PDE10A: variants seen among roughly 807,000 people sequenced by gnomAD.
PDE10A encodes the protein cAMP and cAMP-inhibited cGMP 3',5'-cyclic phosphodiesterase 10A.
In PDE10A, 39 loss-of-function variants were observed where a neutral mutation model predicts 97.7. The ratio of observed to expected loss-of-function variants is 0.40; its 90% CI spans 0.31 to 0.52. The LOEUF is 0.52. Among genes scored for constraint, PDE10A ranks in the 20% least tolerant of loss-of-function variants. PDE10A has a pLI of 0.56. For missense variants in PDE10A, 731 were observed against 1,047.8 expected, an observed-to-expected ratio of 0.70 and a Z score of 4.17; for synonymous variants, 371 against 376.8, an observed-to-expected ratio of 0.98 and a Z score of 0.18.
chr6:165,555,068 C>T lies in PDE10A; in HGVS notation c.866-11500G>A, dbSNP rs150302902. 1.7e-3 allele frequency among the ~76,000 whole-genome samples: 256 copies of T among 151,934 alleles called. 1 individual carries two copies. The highest frequency in any genetic ancestry group is 3.1e-3 in the Non-Finnish European group (211 of 67,926). The stretch of plus-strand genomic sequence containing the variant: ...AGGAGGTAGGAATCATTAATGGGCA[C>T]CAAAAAAATGAACAAGTGAATAAGA... On this transcript the variant is annotated intron_variant, in intron 1 of 21. Coordinates refer to ENST00000539869, the MANE Select transcript of PDE10A (RefSeq NM_001385079.1).
At chr6:165,574,354 CT>C (rs990644459) in intron 1 of PDE10A, among the ~76,000 whole-genome samples, 4 of 152,060 alleles carry the variant, frequency 2.6e-5, no homozygotes, top group Admixed American at 2.0e-4. Flanking sequence ...AGGTTAACTG[CT>C]TTCAAATGTT....
In PDE10A at chr6:165,418,257, G is replaced by A. The variant is rs766741646; in HGVS notation, c.1796+378C>T. Among the ~76,000 whole-genome samples the A allele has an allele frequency of 1.3e-4, 20 of 152,158 alleles. No individual in the cohort carries two copies. The highest frequency in any genetic ancestry group is 2.5e-4 in the Non-Finnish European group (17 of 68,024). On this transcript the variant is annotated intron_variant, in intron 11 of 21. Transcript: ENST00000539869. The surrounding 1 kb of genome is among the most constrained non-coding windows in gnomAD (Gnocchi z 4.8). The stretch of plus-strand genomic sequence containing the variant: ...TGTCTGGACTGCGAGACAGGCCACC[G>A]GTTGGGAAGAAGTAGGGGCCGAATT...
intron 1 of PDE10A, among the ~76,000 whole-genome samples, chr6:165,702,615 G>A (rs1326044850): frequency 6.6e-6 from 1 of 152,194 alleles, no homozygotes; most frequent in African/African-American, 2.4e-5. Flanking sequence ...AGTGGCAGCG[G>A]GTGGCCCACC....
intron 18 of PDE10A, among the ~76,000 whole-genome samples, chr6:165,359,062 G>A (rs1028154635): frequency 1.3e-4 from 19 of 151,904 alleles, no homozygotes; most frequent in Admixed American, 1.1e-3. Flanking sequence ...CCTTTGTGCT[G>A]TTTTCATATT....
intron 2 of PDE10A, among the ~76,000 whole-genome samples, chr6:165,512,937 T>C (rs781121193): frequency 2.0e-5 from 3 of 152,034 alleles, no homozygotes; most frequent in Non-Finnish European, 4.4e-5. Context: ...GCATCCTTTA[T>C]TGGCCATTTA....
chr6:165,369,548 A>G (rs1469033645), intron 18 of PDE10A, among the ~76,000 whole-genome samples: 5 of 146,460 alleles, frequency 3.4e-5, no homozygotes, highest in South Asian at 2.2e-4. Context: ...AAAAGGAATG[A>G]GCAAAGCCTC....
In PDE10A at chr6:165,595,739, G is replaced by A. The variant is rs527997987; in HGVS notation, c.866-52171C>T. Among the ~76,000 whole-genome samples the A allele has an allele frequency of 3.3e-5, 5 of 152,326 alleles. No homozygotes were observed. In the South Asian group the frequency reaches 8.3e-4, roughly 25 times the overall value. ...AGATCAAAGCACCAGTAGACTCAAC[G>A]TCTAGTGAAGGCCCCTTCTTCATAG... On this transcript the variant is annotated intron_variant, in intron 1 of 21. Transcript: ENST00000539869.
At chr6:165,941,481 T>C (rs1455544442) in intron 1 of PDE10A, among the ~76,000 whole-genome samples, 3 of 152,144 alleles carry the variant, frequency 2.0e-5, no homozygotes, top group Non-Finnish European at 2.9e-5. Context: ...TGGATATTTG[T>C]CCCCACCCAA....
intron 1 of PDE10A, among the ~76,000 whole-genome samples, chr6:165,608,280 G>A (rs1787322255): frequency 1.1e-5 from 1 of 92,204 alleles, no homozygotes; most frequent in Non-Finnish European, 2.0e-5. Flanking sequence ...CCCACAACAG[G>A]CGCCAGTGTG....
chr6:165,793,457 C>G (rs1400206019), intron 1 of PDE10A, among the ~76,000 whole-genome samples: 2 of 152,036 alleles, frequency 1.3e-5, no homozygotes, highest in Admixed American at 6.6e-5. Flanking sequence ...CCTGCGAGTC[C>G]TCTCCCTGCT....
intron 13 of PDE10A, among the ~76,000 whole-genome samples, chr6:165,402,286 C>T (rs1786729870): frequency 6.6e-6 from 1 of 151,578 alleles, no homozygotes; most frequent in African/African-American, 2.4e-5. Context: ...AATTTTTAGT[C>T]ATTTATTTTT....
At chr6:165,485,084 A>T (rs893487509) in intron 2 of PDE10A, among the ~76,000 whole-genome samples, 3 of 152,192 alleles carry the variant, frequency 2.0e-5, no homozygotes, top group African/African-American at 7.2e-5. Flanking sequence ...CACATTCTTC[A>T]AGTCCACTGT....
intron 1 of PDE10A, among the ~76,000 whole-genome samples, chr6:165,922,519 C>T (rs1405988116): frequency 6.6e-6 from 1 of 152,184 alleles, no homozygotes; most frequent in Non-Finnish European, 1.5e-5. Context: ...TTGAGATATT[C>T]ATATGGAAAA....
chr6:165,674,767 C>CAGTT (rs1790748597), intron 1 of PDE10A, among the ~76,000 whole-genome samples: 1 of 152,166 alleles, frequency 6.6e-6, no homozygotes, highest in Non-Finnish European at 1.5e-5. Flanking sequence ...TGTACATAGT[C>CAGTT]AGTTGCCTCT....
chr6:165,442,257 AG>A (rs1343320007), intron 5 of PDE10A, among the ~76,000 whole-genome samples: 2 of 152,076 alleles, frequency 1.3e-5, no homozygotes, highest in Non-Finnish European at 2.9e-5. Context: ...CTCGTCATTT[AG>A]CATTAGGTAT....
intron 1 of PDE10A, among the ~76,000 whole-genome samples, chr6:165,828,867 A>G (rs980733979): frequency 6.6e-6 from 1 of 152,230 alleles, no homozygotes; most frequent in Admixed American, 6.5e-5. Context: ...TATTTAACAA[A>G]GAAGAAAGCT....
chr6:165,900,414 G>C (rs148146189), intron 1 of PDE10A, among the ~76,000 whole-genome samples: 2,055 of 152,202 alleles, frequency 0.014, 37 homozygotes, highest in African/African-American at 0.045. Context: ...GGAGGTTGCA[G>C]TGAGCTGAGA....
chr6:165,653,679 G>A (rs1789796257), intron 1 of PDE10A, among the ~76,000 whole-genome samples: 1 of 152,154 alleles, frequency 6.6e-6, no homozygotes, highest in African/African-American at 2.4e-5. Context: ...TCCCTCATGA[G>A]CCAGCAACTC....
intron 1 of PDE10A, among the ~76,000 whole-genome samples, chr6:165,928,173 T>G (rs958775703): frequency 6.6e-6 from 1 of 152,120 alleles, no homozygotes; most frequent in Non-Finnish European, 1.5e-5. Flanking sequence ...TTCATCACAC[T>G]CAGAAGTAGG....
Sources: allele counts gnomAD v4.1 joint callset (sites outside exome capture counted in the v4.1 genomes callset), GRCh38; gene constraint gnomAD v4.1.1; non-coding constraint Gnocchi (gnomAD v3.1); transcripts MANE v1.5; gene names NCBI Gene and HGNC (gene_info 2026-07-23, HGNC 2026-07-21).